NRG3: variants seen among roughly 807,000 people sequenced by gnomAD.
NRG3 encodes the protein pro-neuregulin-3, membrane-bound isoform.
Under a neutral mutation model 66.9 loss-of-function variants are expected in NRG3, and 31 were observed. The observed-to-expected ratio is 0.46, with a 90% CI of 0.35 to 0.63. NRG3 has a LOEUF of 0.63. Among genes scored for constraint, NRG3 ranks in the 20% least tolerant of loss-of-function variants. The probability of loss-of-function intolerance (pLI) is 0.00; values close to 1 mark genes in which losing one functional copy is unlikely to be tolerated. For missense variants in NRG3, 910 were observed against 878.9 expected (o/e 1.04, Z -0.45); for synonymous variants, 393 against 359.4 (o/e 1.09, Z -1.06).
intron 3 of NRG3, among the ~76,000 whole-genome samples, chr10:82,776,056 A>G (rs1438111050): frequency 2.6e-5 from 4 of 152,202 alleles, no homozygotes; most frequent in Non-Finnish European, 4.4e-5. Context: ...TTTCCATTAT[A>G]GTAATTATAA....
At chr10:82,785,124 T>A (rs2060293443) in intron 3 of NRG3, among the ~76,000 whole-genome samples, 1 of 151,056 alleles carries the variant, frequency 6.6e-6, no homozygotes, top group Non-Finnish European at 1.5e-5. Context: ...AAACACCGCA[T>A]GTTCTCACTC....
chr10:82,342,634 A>G (rs1247171721), intron 1 of NRG3, among the ~76,000 whole-genome samples: 1 of 151,792 alleles, frequency 6.6e-6, no homozygotes, highest in East Asian at 1.9e-4. Context: ...TTTCTTGTTG[A>G]GCTGTTTGAG....
intron 4 of NRG3, among the ~76,000 whole-genome samples, chr10:82,930,976 G>T (rs1372166067): frequency 6.6e-6 from 1 of 152,164 alleles, no homozygotes; most frequent in Non-Finnish European, 1.5e-5. Context: ...CTGTCATTTG[G>T]AAGTGACAGC....
At chr10:82,716,013 C>T (rs2134444214) in intron 2 of NRG3, among the ~76,000 whole-genome samples, 1 of 152,248 alleles carries the variant, frequency 6.6e-6, no homozygotes, top group East Asian at 1.9e-4. Context: ...GGCCACACCT[C>T]CAAATACCAT....
At chr10:82,697,467 T>C (rs1429861815) in intron 2 of NRG3, among the ~76,000 whole-genome samples, 1 of 152,218 alleles carries the variant, frequency 6.6e-6, no homozygotes, top group Non-Finnish European at 1.5e-5. Context: ...AATTCGTTCA[T>C]GAACTTTTTC....
chr10:82,617,346 A>G (rs2048736110), intron 2 of NRG3, among the ~76,000 whole-genome samples: 1 of 151,776 alleles, frequency 6.6e-6, no homozygotes, highest in South Asian at 2.1e-4. Flanking sequence ...ACAGACACAC[A>G]CACACACACC....
At chr10:82,857,550 G>A (rs2063875868) in intron 3 of NRG3, among the ~76,000 whole-genome samples, 1 of 152,172 alleles carries the variant, frequency 6.6e-6, no homozygotes, top group Non-Finnish European at 1.5e-5. Flanking sequence ...AACTGCAGTG[G>A]CCACAGATAG....
At chr10:82,318,018 T>C (rs2081378864) in intron 1 of NRG3, among the ~76,000 whole-genome samples, 1 of 151,934 alleles carries the variant, frequency 6.6e-6, no homozygotes, top group African/African-American at 2.4e-5. Flanking sequence ...TTACATAAGA[T>C]AACATAGACA....
chr10:82,618,960 G>A (rs1417581965), intron 2 of NRG3, among the ~76,000 whole-genome samples: 1 of 150,590 alleles, frequency 6.6e-6, no homozygotes, highest in Non-Finnish European at 1.5e-5. Context: ...TTATTTTGCT[G>A]TGATTTCTAC....
chr10:82,923,782 C>A (rs947101540), intron 4 of NRG3, among the ~76,000 whole-genome samples: 1 of 151,890 alleles, frequency 6.6e-6, no homozygotes, highest in Non-Finnish European at 1.5e-5. Context: ...TCTCCTTTCC[C>A]CCCTCCTCCT....
intron 1 of NRG3, among the ~76,000 whole-genome samples, chr10:82,345,203 C>G (rs1220007924): frequency 7.2e-6 from 1 of 138,710 alleles, no homozygotes; most frequent in Non-Finnish European, 1.5e-5. Context: ...TTAGGTCTAA[C>G]GTTTAAGTCT....
chr10:82,391,919 CT>C (rs377472090), intron 2 of NRG3, among the ~76,000 whole-genome samples: 1 of 135,864 alleles, frequency 7.4e-6, no homozygotes, highest in Non-Finnish European at 1.5e-5. Context: ...CAGGTTGCCT[CT>C]TTTTTCTCTC....
chr10:82,655,696 T>G (rs1237831621), intron 2 of NRG3, among the ~76,000 whole-genome samples: 1 of 152,224 alleles, frequency 6.6e-6, no homozygotes, highest in East Asian at 1.9e-4. Context: ...ATTACAGTAT[T>G]GTTTGAAAGA....
intron 2 of NRG3, among the ~76,000 whole-genome samples, chr10:82,662,575 A>G (rs564052703): frequency 1.3e-5 from 2 of 152,138 alleles, no homozygotes; most frequent in South Asian, 4.1e-4. Context: ...AGCCACATGG[A>G]CAATTCAGAA....
In NRG3 at chr10:82,658,216, T is replaced by C. The variant is rs1399868009; in HGVS notation, c.954-80361T>C. ...GTATATTGCATCATAATCAAACAAGTATTTATCTTAGAGACACAAAAGTAA... is the reference window on the plus strand; with the variant it reads ...GTATATTGCATCATAATCAAACAAGCATTTATCTTAGAGACACAAAAGTAA... On this transcript the variant is annotated intron_variant, in intron 2 of 8. Coordinates refer to ENST00000372141, the MANE Select transcript of NRG3 (RefSeq NM_001010848.4). 2.6e-5 allele frequency among the ~76,000 whole-genome samples: 4 copies of C among 152,142 alleles called. No individual in the cohort carries two copies. In the East Asian group the frequency reaches 5.8e-4, roughly 22 times the overall value.
At chr10:82,105,363 G>A (rs918826187) in intron 1 of NRG3, among the ~76,000 whole-genome samples, 3 of 152,116 alleles carry the variant, frequency 2.0e-5, no homozygotes, top group Non-Finnish European at 2.9e-5. Context: ...GGGTTTGTTC[G>A]CTAGCATCAG....
At chr10:82,746,019 G>T (rs1319112933) in intron 3 of NRG3, among the ~76,000 whole-genome samples, 3 of 152,044 alleles carry the variant, frequency 2.0e-5, no homozygotes, top group Non-Finnish European at 4.4e-5. Flanking sequence ...CTCCCAAGTA[G>T]CTGGGACTAC....
At chr10:82,477,960 A>G (rs974722774) in intron 2 of NRG3, among the ~76,000 whole-genome samples, 1 of 152,142 alleles carries the variant, frequency 6.6e-6, no homozygotes, top group African/African-American at 2.4e-5. Flanking sequence ...GATAAGGAAA[A>G]CGGGACTACT....
At chr10:82,849,514 T>C (rs1202394152) in intron 3 of NRG3, among the ~76,000 whole-genome samples, 1 of 152,010 alleles carries the variant, frequency 6.6e-6, no homozygotes, top group East Asian at 1.9e-4. Context: ...CAGAGAGACA[T>C]GGTTATTCTT....
Sources: gnomAD v4.1 joint callset for allele counts (sites outside exome capture counted in the v4.1 genomes callset) on GRCh38, gnomAD v4.1.1 for gene constraint, MANE v1.5 for transcripts, NCBI Gene and HGNC (gene_info 2026-07-23, HGNC 2026-07-21) for gene names.